BMS1: variants seen among roughly 807,000 people sequenced by gnomAD.
The protein encoded by BMS1 is ribosome biogenesis protein BMS1 homolog.
A neutral mutation model predicts 138.7 loss-of-function variants in BMS1; 53 were observed. The ratio of observed to expected loss-of-function variants is 0.38; its 90% CI spans 0.31 to 0.48. The LOEUF is 0.48. BMS1 is among the 20% of genes least tolerant of loss of function. The pLI, the probability that BMS1 is intolerant of heterozygous loss-of-function variation, is 0.97. For missense variants in BMS1, 1,360 were observed against 1,565.5 expected (o/e 0.87, Z 2.22); for synonymous variants, 504 against 539.9 (o/e 0.93, Z 0.92).
At position 42,831,552 on chromosome 10, in the gene BMS1, T is replaced by C. The variant is rs1448889775; in HGVS notation, c.*456T>C. The C allele has an allele frequency of 1.2e-5, 2 of 162,048 alleles. No individual in the cohort carries two copies. The highest frequency in any genetic ancestry group is 5.4e-5 in the African/African-American group (2 of 36,756). 10.0% of individuals were successfully genotyped at this position (162,048 alleles called of 1,614,324 possible). A position where few individuals can be genotyped will look rare whatever the true frequency, so the allele number is the denominator to read the frequency against. On this transcript the variant is annotated 3_prime_UTR_variant, in exon 23 of 23. Coordinates refer to ENST00000374518, the MANE Select transcript of BMS1 (RefSeq NM_014753.4). ...TCCCATGGAAGATTTTAGAGAATAG[T>C]GTGTAGTGTTTTTGTTTTGTTTTTT...
At chr10:42,801,078 G>C (rs1479807606) in intron 12 of BMS1, among the ~76,000 whole-genome samples, 1 of 152,132 alleles carries the variant, frequency 6.6e-6, no homozygotes, top group Non-Finnish European at 1.5e-5. Flanking sequence ...AGAGCGCTTG[G>C]AATCACCCAT....
At chr10:42,787,050 C>T (rs1021706419) in intron 3 of BMS1, 118 bp from the exon 4 acceptor site, 4 of 765,892 alleles carry the variant, frequency 5.2e-6, no homozygotes, top group African/African-American at 5.2e-5. Flanking sequence ...TTCTTGTATG[C>T]TCCTGTAAAT....
rs372131797 is a variant in BMS1, at chr10:42,792,483, A to T, written c.780-10A>T. ...ATTCATTTCTGCTGTGATTGAATTT[A>T]TTTTTCTAGGATGGAAGATTTGACA... On this transcript the variant is annotated splice_polypyrimidine_tract_variant and intron_variant, in intron 6 of 22. Transcript: ENST00000374518. The T allele has an allele frequency of 3.7e-6, 6 of 1,610,148 alleles. No individual in the cohort carries two copies. The highest frequency in any genetic ancestry group is 5.1e-6 in the Non-Finnish European group (6 of 1,179,288).
At chr10:42,825,222 T>A (rs746261844) in intron 21 of BMS1, among the ~76,000 whole-genome samples, 2 of 152,154 alleles carry the variant, frequency 1.3e-5, no homozygotes, top group Non-Finnish European at 2.9e-5. Flanking sequence ...TTTGCTGGGC[T>A]GGTCTCCAAC....
chr10:42,817,984 A>C (rs574459850), intron 15 of BMS1, among the ~76,000 whole-genome samples: 58 of 152,282 alleles, frequency 3.8e-4, no homozygotes, highest in African/African-American at 1.4e-3. Context: ...CAGATGCAGA[A>C]ATAAAGGGAG....
At chr10:42,813,449 T>C (rs992952619) in intron 13 of BMS1, among the ~76,000 whole-genome samples, 3 of 152,198 alleles carry the variant, frequency 2.0e-5, no homozygotes, top group African/African-American at 7.2e-5. Context: ...AATATGCATA[T>C]TGTAATATAG....
intron 5 of BMS1, 118 bp downstream of exon 5, chr10:42,790,629 G>A (rs1841475428): frequency 7.1e-6 from 8 of 1,123,752 alleles, no homozygotes; most frequent in African/African-American, 4.8e-5. Context: ...AGAGGCGGTC[G>A]GATCACTTGA....
At position 42,797,092 on chromosome 10, in the gene BMS1, G is replaced by C; in HGVS notation, c.1848G>C (p.Lys616Asn). The C allele has an allele frequency of 6.2e-7, 1 of 1,614,216 alleles. No homozygotes were observed. Among genetic ancestry groups the C allele is most frequent in the East Asian group, 2.2e-5 (1 of 44,884 alleles). Residue 616 changes from lysine (K) to asparagine (N), a missense_variant, in exon 10 of 23, where the codon AAG becomes AAC. Lys to Asn is a moderately conservative substitution (Grantham distance 94). Transcript: ENST00000374518. ...DSENEEAIRK[K>N]LSKPSQVSSG... ...AAAATGAAGAGGCTATTAGAAAAAA[G>C]CTTTCAAAGCCTTCTCAAGTGAGCA...
intron 21 of BMS1, among the ~76,000 whole-genome samples, chr10:42,825,070 A>G (rs1029449611): frequency 6.6e-5 from 10 of 152,100 alleles, no homozygotes; most frequent in African/African-American, 2.4e-4. Flanking sequence ...GTGCAGTGGC[A>G]TAATCTCGGC....
rs1195806093 is a variant in BMS1, at chr10:42,829,000, A to T, written c.3457-1261A>T. Among the ~76,000 whole-genome samples the T allele has an allele frequency of 2.0e-5, 3 of 152,214 alleles. No homozygotes were observed. The East Asian group carries it at 5.8e-4, about 29-fold the overall frequency. On this transcript the variant is annotated intron_variant, in intron 21 of 22. Coordinates refer to ENST00000374518, the MANE Select transcript of BMS1 (RefSeq NM_014753.4). ...TCCTAAACAAAGAATATGGAATATT[A>T]TTGGGGATGATGTCTTTAATAATAC... is the stretch of plus-strand genomic sequence containing the variant.
intron 13 of BMS1, among the ~76,000 whole-genome samples, chr10:42,815,381 A>G (rs1484257626): frequency 6.6e-6 from 1 of 152,188 alleles, no homozygotes; most frequent in Non-Finnish European, 1.5e-5. Context: ...TTTTTTAAAA[A>G]AATAAAGTTC....
intron 21 of BMS1, 144 bp downstream of exon 21, chr10:42,823,928 T>A (rs1842572166): frequency 1.3e-6 from 1 of 755,686 alleles, no homozygotes; most frequent in African/African-American, 1.8e-5. Context: ...AGTTGTATAT[T>A]TGTGGAATAT....
chr10:42,798,482 G>A lies in BMS1; in HGVS notation c.2104G>A (p.Glu702Lys). Residue 702 changes from glutamate (E) to lysine (K), a missense_variant, in exon 12 of 23, where the codon GAA becomes AAA. This residue lies in a region of BMS1 where 697 missense variants were observed against 686.2 expected (regional missense o/e 1.02). Transcript: ENST00000374518. ...LIYGTVTEDN[E>K]EEDDDTLEEL... ...GTGCTCTTTAGTGACAGAAGATAATGAAGAAGAAGATGATGATACTCTAGA... is the reference window on the plus strand; with the variant it reads ...GTGCTCTTTAGTGACAGAAGATAATAAAGAAGAAGATGATGATACTCTAGA... 6.2e-7 allele frequency: 1 copy of A among 1,614,160 alleles called. No homozygotes were observed. The highest frequency in any genetic ancestry group is 8.5e-7 in the Non-Finnish European group (1 of 1,180,014).
At chr10:42,811,279 T>C (rs552206649) in intron 13 of BMS1, among the ~76,000 whole-genome samples, 28 of 152,026 alleles carry the variant, frequency 1.8e-4, no homozygotes, top group African/African-American at 5.3e-4. Flanking sequence ...CCAACCTCAG[T>C]TGATCCACCT....
intron 21 of BMS1, among the ~76,000 whole-genome samples, chr10:42,828,570 A>G (rs1355863550): frequency 6.7e-6 from 1 of 150,362 alleles, no homozygotes; most frequent in Admixed American, 6.6e-5. Context: ...CAGCTTAAAG[A>G]GTTCCTGCTG....
chr10:42,795,761 T>A lies in BMS1; in HGVS notation c.1230-713T>A, dbSNP rs187914295. Among the ~76,000 whole-genome samples the A allele has an allele frequency of 1.4e-4, 21 of 152,374 alleles. No individual in the cohort carries two copies. In the East Asian group the frequency reaches 4.0e-3, roughly 29 times the overall value. On this transcript the variant is annotated intron_variant, in intron 9 of 22. Transcript: ENST00000374518. Reference sequence around the variant, plus strand: ...CTTTTATCCTGTGATTTTAGCTTCCTGATGATTCTTCTGTATCAGTTATAG... The same window carrying A: ...CTTTTATCCTGTGATTTTAGCTTCCAGATGATTCTTCTGTATCAGTTATAG...
Position 42,797,238 on chromosome 10 carries a change from T to C in BMS1, c.1987+7T>C. On this transcript the variant is annotated splice_region_variant and intron_variant, in intron 10 of 22. Transcript: ENST00000374518. ...GATTCCAAAGAAACGTCAGGTAAGC[T>C]TAAATGTAGTTGGTTGCTGCTATGA... The C allele has an allele frequency of 6.3e-7, 1 of 1,598,436 alleles. No individual in the cohort carries two copies. Among genetic ancestry groups the C allele is most frequent in the Non-Finnish European group, 8.5e-7 (1 of 1,172,472 alleles).
intron 14 of BMS1, 98 bp downstream of exon 14, chr10:42,816,770 A>C (rs1048776673): frequency 2.2e-5 from 21 of 947,948 alleles, no homozygotes; most frequent in Non-Finnish European, 3.3e-5. Context: ...TGAAGATTGC[A>C]GACTGGATAG....
chr10:42,817,172 G>A, intron 14 of BMS1, 146 bp from the exon 15 acceptor site: 1 of 670,020 alleles, frequency 1.5e-6, no homozygotes, highest in Non-Finnish European at 2.5e-6. Context: ...CAGAGACAAA[G>A]GTTGTGTTGT....
Sources: allele counts gnomAD v4.1 joint callset (sites outside exome capture counted in the v4.1 genomes callset), GRCh38; gene constraint gnomAD v4.1.1; regional missense constraint gnomAD v4.1.1; transcripts MANE v1.5; gene names NCBI Gene and HGNC (gene_info 2026-07-23, HGNC 2026-07-21).